The following DPYD variants were observed in gnomAD, a reference collection of about 807,000 sequenced individuals.
DPYD encodes the protein dihydropyrimidine dehydrogenase.
DPYD carries 109 observed loss-of-function variants against 116.2 expected under a neutral mutation model. That is an observed-to-expected ratio of 0.94 (90% CI 0.80 to 1.10). The LOEUF (loss-of-function observed/expected upper bound fraction) is 1.10. Ranked by LOEUF, DPYD falls within the 50% of genes least tolerant of loss-of-function variation. The pLI, the probability that DPYD is intolerant of heterozygous loss-of-function variation, is 0.00. For synonymous variants in DPYD, 440 were observed against 432.0 expected, an observed-to-expected ratio of 1.02 and a Z score of -0.23; for missense variants, 1,302 against 1,254.5, an observed-to-expected ratio of 1.04 and a Z score of -0.57.
intron 2 of DPYD, among the ~76,000 whole-genome samples, chr1:97,867,913 G>A (rs752945763): frequency 2.4e-4 from 37 of 151,680 alleles, no homozygotes; most frequent in Admixed American, 7.9e-4. Context: ...CATCCAAAAC[G>A]TAAAGGAAAA....
intron 20 of DPYD, among the ~76,000 whole-genome samples, chr1:97,190,944 A>C (rs1440568423): frequency 6.6e-6 from 1 of 152,162 alleles, no homozygotes; most frequent in Admixed American, 6.5e-5. Flanking sequence ...GTCTTTCTAC[A>C]AAGGGTCTAC....
chr1:97,507,635 A>G (rs1647442750), intron 13 of DPYD, among the ~76,000 whole-genome samples: 1 of 151,992 alleles, frequency 6.6e-6, no homozygotes, highest in African/African-American at 2.4e-5. Context: ...GCTCTAAAAT[A>G]TTATTACATG....
chr1:97,613,612 T>C (rs1418829579), intron 8 of DPYD, among the ~76,000 whole-genome samples: 1 of 152,000 alleles, frequency 6.6e-6, no homozygotes, highest in Non-Finnish European at 1.5e-5. Flanking sequence ...TGTTCATTTG[T>C]TCAATATATA....
intron 8 of DPYD, among the ~76,000 whole-genome samples, chr1:97,656,707 T>C (rs140274020): frequency 6.6e-6 from 1 of 152,200 alleles, no homozygotes; most frequent in African/African-American, 2.4e-5. Context: ...AGAGATACAC[T>C]TGCATTTGGT....
chr1:97,850,558 C>T (rs191655298), intron 2 of DPYD, among the ~76,000 whole-genome samples: 30 of 149,598 alleles, frequency 2.0e-4, no homozygotes, highest in African/African-American at 5.9e-4. Flanking sequence ...GAGTAGAATC[C>T]GGTTTTAAAT....
intron 4 of DPYD, among the ~76,000 whole-genome samples, chr1:97,737,835 C>T (rs1032009758): frequency 1.3e-5 from 2 of 151,972 alleles, no homozygotes; most frequent in Non-Finnish European, 2.9e-5. Context: ...TAAATGCAAA[C>T]ATTATTATCA....
intron 3 of DPYD, among the ~76,000 whole-genome samples, chr1:97,805,299 G>C (rs1294389091): frequency 1.3e-5 from 2 of 151,814 alleles, no homozygotes; most frequent in African/African-American, 4.8e-5. Context: ...CAGTGGATAA[G>C]AGCCAAAGAA....
At chr1:97,677,672 T>C (rs575690700) in intron 8 of DPYD, among the ~76,000 whole-genome samples, 1 of 152,236 alleles carries the variant, frequency 6.6e-6, no homozygotes, top group Admixed American at 6.5e-5. Context: ...CTAATGACAA[T>C]GGCACCCAAA....
chr1:97,686,586 G>A lies in DPYD; in HGVS notation c.762+5131C>T, dbSNP rs1430621223. Among the ~76,000 whole-genome samples, 15 of 127,760 alleles carry A rather than the reference G, an allele frequency of 1.2e-4. No individual in the cohort carries two copies. In the South Asian group the frequency reaches 1.8e-3, roughly 15 times the overall value. 83.8% of individuals were successfully genotyped at this position (127,760 alleles called of 152,430 possible). On this transcript the variant is annotated intron_variant, in intron 7 of 22. Transcript: ENST00000370192. ...TGGGAGGCGGAGCTTGCAGTGAGCC[G>A]AGATCGCGCCACTGCACTCCAGCCT...
intron 19 of DPYD, among the ~76,000 whole-genome samples, chr1:97,210,988 A>T (rs1557941486): frequency 6.6e-6 from 1 of 152,128 alleles, no homozygotes; most frequent in Non-Finnish European, 1.5e-5. Context: ...TCACTGCAAT[A>T]CTTTCTTTAT....
intron 4 of DPYD, among the ~76,000 whole-genome samples, chr1:97,730,879 A>G (rs951355735): frequency 2.0e-5 from 3 of 151,880 alleles, no homozygotes; most frequent in Non-Finnish European, 4.4e-5. Flanking sequence ...TCATCATTAG[A>G]GTTGAAAAAA....
intron 10 of DPYD, among the ~76,000 whole-genome samples, chr1:97,580,392 A>C (rs766745191): frequency 2.0e-5 from 3 of 152,226 alleles, no homozygotes; most frequent in Non-Finnish European, 4.4e-5. Flanking sequence ...CATCACTGTT[A>C]AATTATTGGA....
chr1:97,693,761 A>G (rs543051679), intron 6 of DPYD, among the ~76,000 whole-genome samples: 2 of 152,328 alleles, frequency 1.3e-5, no homozygotes, highest in African/African-American at 4.8e-5. Context: ...AATCTTAAAT[A>G]CATCCAGACA....
At chr1:97,639,262 T>C (rs4408184) in intron 8 of DPYD, among the ~76,000 whole-genome samples, 1 of 151,992 alleles carries the variant, frequency 6.6e-6, no homozygotes, top group Non-Finnish European at 1.5e-5. Context: ...AGATGATTGG[T>C]ATATATATGT....
chr1:97,707,235 C>A (rs1369682723), intron 5 of DPYD, among the ~76,000 whole-genome samples: 2 of 152,028 alleles, frequency 1.3e-5, no homozygotes, highest in Non-Finnish European at 2.9e-5. Flanking sequence ...GCCCCTGTCA[C>A]ATGTAAGACA....
intron 10 of DPYD, among the ~76,000 whole-genome samples, chr1:97,583,752 A>C (rs933517362): frequency 1.3e-5 from 2 of 151,524 alleles, no homozygotes; most frequent in Non-Finnish European, 2.9e-5. Flanking sequence ...TGACATAAAA[A>C]TGTGACGCAA....
At chr1:97,766,277 A>C (rs1199179236) in intron 3 of DPYD, among the ~76,000 whole-genome samples, 1 of 152,074 alleles carries the variant, frequency 6.6e-6, no homozygotes, top group Non-Finnish European at 1.5e-5. Flanking sequence ...CCTGTGGTAA[A>C]TTTAAAGTAA....
intron 18 of DPYD, among the ~76,000 whole-genome samples, chr1:97,263,394 T>A (rs1664019383): frequency 6.6e-6 from 1 of 152,084 alleles, no homozygotes; most frequent in African/African-American, 2.4e-5. Flanking sequence ...GAAAAAGGCT[T>A]GGAAAAAAAT....
intron 18 of DPYD, among the ~76,000 whole-genome samples, chr1:97,269,194 A>T (rs2100883877): frequency 6.6e-6 from 1 of 152,298 alleles, no homozygotes; most frequent in East Asian, 1.9e-4. Context: ...TCAAGTCTCC[A>T]ATACCACATT....
Sources: gnomAD v4.1 joint callset for allele counts (sites outside exome capture counted in the v4.1 genomes callset) on GRCh38, gnomAD v4.1.1 for gene constraint, MANE v1.5 for transcripts, NCBI Gene and HGNC (gene_info 2026-07-23, HGNC 2026-07-21) for gene names.